The following RCAN2 variants were observed in gnomAD, a reference collection of about 807,000 sequenced individuals.
The protein encoded by RCAN2 is calcipressin-2.
Under a neutral mutation model 23.6 loss-of-function variants are expected in RCAN2, and 9 were observed. The observed-to-expected ratio is 0.38, with a 90% CI of 0.23 to 0.67. RCAN2 has a LOEUF of 0.67. Ranked by LOEUF, RCAN2 falls within the 30% of genes least tolerant of loss-of-function variation. The pLI, the probability that RCAN2 is intolerant of heterozygous loss-of-function variation, is 0.51. For synonymous variants in RCAN2, 109 were observed against 115.7 expected (o/e 0.94, Z 0.37); for missense variants, 273 against 302.3 (o/e 0.90, Z 0.72).
intron 2 of RCAN2, among the ~76,000 whole-genome samples, chr6:46,386,909 G>A (rs189260966): frequency 1.0e-3 from 154 of 152,222 alleles, no homozygotes; most frequent in African/African-American, 3.5e-3. Flanking sequence ...CAGAGATATA[G>A]ACCAATGGAA....
chr6:46,309,877 C>T (rs547186871), intron 2 of RCAN2, among the ~76,000 whole-genome samples: 5 of 152,156 alleles, frequency 3.3e-5, no homozygotes, highest in Non-Finnish European at 7.4e-5. Context: ...AAATAAAATG[C>T]ACCTATGGAT....
chr6:46,427,698 A>C (rs1767071282), intron 2 of RCAN2, among the ~76,000 whole-genome samples: 1 of 152,196 alleles, frequency 6.6e-6, no homozygotes, highest in Admixed American at 6.5e-5. Context: ...CTCGCATGCA[A>C]TATAGCTGTA....
intron 4 of RCAN2, among the ~76,000 whole-genome samples, chr6:46,231,532 C>T (rs937155621): frequency 6.6e-6 from 1 of 151,968 alleles, no homozygotes; most frequent in African/African-American, 2.4e-5. Flanking sequence ...GCCTCAGCCT[C>T]CCTAGTAGCT....
intron 2 of RCAN2, among the ~76,000 whole-genome samples, chr6:46,284,965 C>A (rs967687733): frequency 5.3e-5 from 8 of 152,216 alleles, no homozygotes; most frequent in African/African-American, 1.9e-4. Flanking sequence ...GTTCTCTTAT[C>A]TACTTCCACT....
chr6:46,337,178 AAAG>A (rs1341542534), intron 2 of RCAN2, among the ~76,000 whole-genome samples: 1 of 152,196 alleles, frequency 6.6e-6, no homozygotes, highest in Non-Finnish European at 1.5e-5. Context: ...AAAATTAAAA[AAAG>A]AAGGGGAAGG....
At chr6:46,365,891 T>C (rs1765160130) in intron 2 of RCAN2, among the ~76,000 whole-genome samples, 1 of 152,220 alleles carries the variant, frequency 6.6e-6, no homozygotes, top group East Asian at 1.9e-4. Context: ...TGACTTTCTT[T>C]GTGTTGGGCA....
intron 2 of RCAN2, among the ~76,000 whole-genome samples, chr6:46,440,542 G>A (rs1767507152): frequency 6.6e-6 from 1 of 152,000 alleles, no homozygotes; most frequent in Non-Finnish European, 1.5e-5. Context: ...AAAGATGATT[G>A]TTAAAGTATT....
chr6:46,487,761 T>A (rs958528477), intron 1 of RCAN2, among the ~76,000 whole-genome samples: 1 of 152,158 alleles, frequency 6.6e-6, no homozygotes, highest in Non-Finnish European at 1.5e-5. Flanking sequence ...TCCCATTAGC[T>A]CTGTAAAATG....
chr6:46,237,898 T>C (rs1000009028), intron 4 of RCAN2, among the ~76,000 whole-genome samples: 1 of 152,192 alleles, frequency 6.6e-6, no homozygotes, highest in African/African-American at 2.4e-5. Flanking sequence ...TCTCAGCTAA[T>C]AGCACCATTT....
At chr6:46,324,007 T>C (rs1763707771) in intron 2 of RCAN2, among the ~76,000 whole-genome samples, 1 of 152,224 alleles carries the variant, frequency 6.6e-6, no homozygotes, top group South Asian at 2.1e-4. Context: ...TCTCCATAGA[T>C]GGAATTATGT....
intron 2 of RCAN2, among the ~76,000 whole-genome samples, chr6:46,436,834 T>C (rs1256221856): frequency 2.0e-5 from 3 of 152,142 alleles, no homozygotes; most frequent in Admixed American, 6.5e-5. Flanking sequence ...TTTCCCTAAT[T>C]AGAGACAGAA....
chr6:46,397,853 C>G (rs749558027), intron 2 of RCAN2, among the ~76,000 whole-genome samples: 1 of 152,090 alleles, frequency 6.6e-6, no homozygotes, highest in South Asian at 2.1e-4. Flanking sequence ...ATAATTAACA[C>G]GTGAAAAAAT....
intron 1 of RCAN2, among the ~76,000 whole-genome samples, chr6:46,472,760 C>T (rs777820040): frequency 3.6e-4 from 55 of 152,168 alleles, no homozygotes; most frequent in Non-Finnish European, 1.0e-4. Context: ...AATCAAAACT[C>T]AATCTTAGTC....
At chr6:46,459,780 A>G (rs1005687264) in intron 1 of RCAN2, among the ~76,000 whole-genome samples, 2 of 152,218 alleles carry the variant, frequency 1.3e-5, no homozygotes, top group Non-Finnish European at 2.9e-5. Context: ...GGAATGAAAC[A>G]GGAGCGGAAG....
intron 2 of RCAN2, among the ~76,000 whole-genome samples, chr6:46,346,808 C>T (rs979951101): frequency 4.0e-5 from 6 of 151,156 alleles, no homozygotes; most frequent in Non-Finnish European, 8.9e-5. Context: ...TAATTTTGTC[C>T]CTATAATAAC....
chr6:46,365,007 T>G (rs1452228870), intron 2 of RCAN2, among the ~76,000 whole-genome samples: 1 of 152,122 alleles, frequency 6.6e-6, no homozygotes, highest in East Asian at 1.9e-4. Flanking sequence ...AACTATCACC[T>G]TCATGAAGAC....
At chr6:46,233,709 TGAA>T (rs923777017) in intron 4 of RCAN2, among the ~76,000 whole-genome samples, 3 of 150,794 alleles carry the variant, frequency 2.0e-5, no homozygotes, top group African/African-American at 4.9e-5. Context: ...CTGGCTGAGA[TGAA>T]GAACACTTCT....
chr6:46,335,687 C>T (rs1014381431), intron 2 of RCAN2, among the ~76,000 whole-genome samples: 5 of 152,170 alleles, frequency 3.3e-5, no homozygotes, highest in African/African-American at 1.2e-4. Context: ...CTTTTTATCT[C>T]CACTCCCTTT....
intron 4 of RCAN2, among the ~76,000 whole-genome samples, chr6:46,239,355 T>G (rs186311112): frequency 6.6e-6 from 1 of 152,198 alleles, no homozygotes; most frequent in Non-Finnish European, 1.5e-5. Context: ...TTGTAACCTT[T>G]TTTCTCTCTG....
Sources: gnomAD v4.1 joint callset for allele counts (sites outside exome capture counted in the v4.1 genomes callset) on GRCh38, gnomAD v4.1.1 for gene constraint, MANE v1.5 for transcripts, NCBI Gene and HGNC (gene_info 2026-07-23, HGNC 2026-07-21) for gene names.